HTR2A: variants seen among roughly 807,000 people sequenced by gnomAD.
The protein encoded by HTR2A is 5-hydroxytryptamine receptor 2A.
Under a neutral mutation model 31.0 loss-of-function variants are expected in HTR2A, and 14 were observed. The observed-to-expected ratio is 0.45, with a 90% CI of 0.30 to 0.71. The LOEUF is 0.71. Ranked by LOEUF, HTR2A falls within the 30% of genes least tolerant of loss-of-function variation. The probability of loss-of-function intolerance (pLI) is 0.09; values close to 1 mark genes in which losing one functional copy is unlikely to be tolerated. For synonymous variants in HTR2A, 209 were observed against 225.2 expected (o/e 0.93, Z 0.64); for missense variants, 442 against 573.3 (o/e 0.77, Z 2.34).
intron 3 of HTR2A, among the ~76,000 whole-genome samples, chr13:46,873,419 A>G (rs1950879821): frequency 7.4e-6 from 1 of 136,000 alleles, no homozygotes. Context: ...CCCAACTGTA[A>G]TATAAAATTT....
intron 3 of HTR2A, among the ~76,000 whole-genome samples, chr13:46,862,787 T>A (rs1950790622): frequency 6.6e-6 from 1 of 152,236 alleles, no homozygotes; most frequent in African/African-American, 2.4e-5. Context: ...TGTCAGAACA[T>A]GTAGAAAGAT....
In HTR2A at chr13:46,835,633, G is replaced by GT; in HGVS notation, c.619_620insA (p.Ser207TyrfsTer17). On this transcript the variant is annotated frameshift_variant, in exon 4 of 4. Coordinates refer to ENST00000542664, the MANE Select transcript of HTR2A (RefSeq NM_000621.5). LOFTEE classifies it high-confidence loss of function. Reference sequence around the variant, plus strand: ...TAGCCCAAAGACTGGTATTGGCATGGATATACCTGGAGTTGAACAGAAAAT... The same window carrying GT: ...TAGCCCAAAGACTGGTATTGGCATGGTATATACCTGGAGTTGAACAGAAAAT... 1 of 1,606,338 alleles carries GT rather than the reference G, an allele frequency of 6.2e-7. No individual in the cohort carries two copies. The highest frequency in any genetic ancestry group is 8.5e-7 in the Non-Finnish European group (1 of 1,175,278).
At chr13:46,857,721 T>C (rs978026835) in intron 3 of HTR2A, among the ~76,000 whole-genome samples, 3 of 152,110 alleles carry the variant, frequency 2.0e-5, no homozygotes, top group Non-Finnish European at 1.5e-5. Context: ...ACAAATGAAA[T>C]AAATGCCCTG....
At position 46,886,885 on chromosome 13, in the gene HTR2A, G is replaced by A. The variant is rs116547301; in HGVS notation, c.613+5505C>T. ...CTTGAAGCTCAGAGCTCCTCAAAAT[G>A]GAGAACACGTCAGGCTTTCATCTGG... On this transcript the variant is annotated intron_variant, in intron 3 of 3. Coordinates refer to ENST00000542664, the MANE Select transcript of HTR2A (RefSeq NM_000621.5). Among the ~76,000 whole-genome samples, 994 of 152,280 alleles carry A rather than the reference G, an allele frequency of 6.5e-3. 14 individuals are homozygous for A. Among genetic ancestry groups the A allele is most frequent in the African/African-American group, 0.022 (927 of 41,558 alleles).
At chr13:46,844,408 T>C (rs7322420) in intron 3 of HTR2A, among the ~76,000 whole-genome samples, 8,299 of 152,264 alleles carry the variant, frequency 0.055, 772 homozygotes, top group African/African-American at 0.19. Flanking sequence ...ATTAGCCACA[T>C]AGGGTGGAAA....
At chr13:46,876,409 T>A (rs1268330947) in intron 3 of HTR2A, among the ~76,000 whole-genome samples, 1,936 of 94,302 alleles carry the variant, frequency 0.021, 17 homozygotes, top group African/African-American at 0.079. Flanking sequence ...TATATATTTT[T>A]TTTTTTTTTT....
intron 3 of HTR2A, among the ~76,000 whole-genome samples, chr13:46,888,474 A>AT (rs1056489870): frequency 9.2e-5 from 14 of 151,986 alleles, no homozygotes; most frequent in African/African-American, 3.4e-4. Flanking sequence ...AGTGCTGAAA[A>AT]AAAAAAAAGA....
intron 3 of HTR2A, among the ~76,000 whole-genome samples, chr13:46,864,095 G>T (rs1218236533): frequency 6.6e-6 from 1 of 152,106 alleles, no homozygotes; most frequent in African/African-American, 2.4e-5. Flanking sequence ...TCATAAAAAT[G>T]AGATCATGTC....
chr13:46,895,541 C>T lies in HTR2A; in HGVS notation c.366G>A (p.Leu122=). ...ACACGGGCATGACAAGGAAACCCAGCAGCATATCAGCTATGGCAAGTGACA... is the reference window on the plus strand; with the variant it reads ...ACACGGGCATGACAAGGAAACCCAGTAGCATATCAGCTATGGCAAGTGACA... ...FLMSLAIADM[L]LGFLVMPVSM... The change falls in exon 2 of 4, where the codon CTG becomes CTA. Residue 122 remains leucine, a synonymous_variant. Transcript: ENST00000542664. The surrounding 1 kb of genome is among the most constrained non-coding windows in gnomAD (Gnocchi z 4.4). 1 of 1,614,174 alleles carries T rather than the reference C, an allele frequency of 6.2e-7. No individual in the cohort carries two copies. The highest frequency in any genetic ancestry group is 8.5e-7 in the Non-Finnish European group (1 of 1,180,024).
intron 3 of HTR2A, among the ~76,000 whole-genome samples, chr13:46,885,809 T>C (rs939269536): frequency 6.6e-6 from 1 of 152,242 alleles, no homozygotes; most frequent in South Asian, 2.1e-4. Flanking sequence ...TTGTTTTAGA[T>C]TATATTGCCA....
chr13:46,868,343 G>A (rs781155732), intron 3 of HTR2A, among the ~76,000 whole-genome samples: 3 of 152,228 alleles, frequency 2.0e-5, no homozygotes, highest in Non-Finnish European at 4.4e-5. Flanking sequence ...TGACAGCTTG[G>A]TATTGAGATT....
At chr13:46,868,029 G>GTTAACTC (rs58161277) in intron 3 of HTR2A, among the ~76,000 whole-genome samples, 1 of 151,978 alleles carries the variant, frequency 6.6e-6, no homozygotes, top group African/African-American at 2.4e-5. Context: ...CAAAGAGACA[G>GTTAACTC]TTAAGTAGCT....
intron 3 of HTR2A, among the ~76,000 whole-genome samples, chr13:46,891,073 T>C (rs1049731359): frequency 6.6e-6 from 1 of 152,234 alleles, no homozygotes; most frequent in African/African-American, 2.4e-5. Flanking sequence ...GGCATGGTGC[T>C]GGAAGTTTAG....
chr13:46,880,561 G>T (rs530450460), intron 3 of HTR2A, among the ~76,000 whole-genome samples: 1 of 152,120 alleles, frequency 6.6e-6, no homozygotes, highest in Non-Finnish European at 1.5e-5. Flanking sequence ...ACTTCTGACC[G>T]GGCATGGTGG....
chr13:46,851,664 C>T (rs185837939), intron 3 of HTR2A, among the ~76,000 whole-genome samples: 11 of 152,296 alleles, frequency 7.2e-5, no homozygotes, highest in Non-Finnish European at 1.0e-4. Context: ...GCATGAAAGG[C>T]AGTTGTGGAT....
intron 3 of HTR2A, among the ~76,000 whole-genome samples, chr13:46,839,798 G>A (rs1277790167): frequency 1.3e-5 from 2 of 152,106 alleles, no homozygotes; most frequent in Non-Finnish European, 2.9e-5. Flanking sequence ...CTTTCTTTCA[G>A]CATGGCTCTG....
intron 3 of HTR2A, among the ~76,000 whole-genome samples, chr13:46,839,889 G>A (rs547497514): frequency 6.6e-6 from 1 of 152,236 alleles, no homozygotes; most frequent in East Asian, 1.9e-4. Context: ...TGAACCGCTG[G>A]CTGTGAAGGA....
chr13:46,894,890 A>T (rs376770351), intron 2 of HTR2A, among the ~76,000 whole-genome samples: 1 of 152,218 alleles, frequency 6.6e-6, no homozygotes, highest in Non-Finnish European at 1.5e-5. Context: ...TCAAAGGCAC[A>T]TTTCCAAATT....
chr13:46,870,525 C>G (rs1950856039), intron 3 of HTR2A, among the ~76,000 whole-genome samples: 1 of 152,128 alleles, frequency 6.6e-6, no homozygotes, highest in South Asian at 2.1e-4. Flanking sequence ...AATATGAAAA[C>G]AGTTGTGCTA....
Sources: gnomAD v4.1 joint callset for allele counts (sites outside exome capture counted in the v4.1 genomes callset) on GRCh38, gnomAD v4.1.1 for gene constraint, Gnocchi (gnomAD v3.1) non-coding constraint, MANE v1.5 for transcripts, NCBI Gene and HGNC (gene_info 2026-07-23, HGNC 2026-07-21) for gene names.